The following SVIL variants were observed in gnomAD, a reference collection of about 807,000 sequenced individuals.
SVIL encodes supervillin, also known as archvillin.
In SVIL, 101 loss-of-function variants were observed where a neutral mutation model predicts 240.4. That is an observed-to-expected ratio of 0.42 (90% CI 0.36 to 0.50). The LOEUF (loss-of-function observed/expected upper bound fraction) is 0.50. Ranked by LOEUF, SVIL falls within the 20% of genes least tolerant of loss-of-function variation. The pLI, the probability that SVIL is intolerant of heterozygous loss-of-function variation, is 0.01. For synonymous variants in SVIL, 999 were observed against 1,100.0 expected (o/e 0.91, Z 1.82); for missense variants, 2,512 against 2,818.7 (o/e 0.89, Z 2.46).
At chr10:29,585,484 C>T (rs1956128559) in intron 1 of SVIL, among the ~76,000 whole-genome samples, 1 of 152,240 alleles carries the variant, frequency 6.6e-6, no homozygotes, top group South Asian at 2.1e-4. Context: ...CCACCACGCC[C>T]GCCAAACTAT....
chr10:29,669,474 G>A (rs1959593766), intron 2 of SVIL, among the ~76,000 whole-genome samples: 1 of 152,224 alleles, frequency 6.6e-6, no homozygotes, highest in South Asian at 2.1e-4. Context: ...AGAAGCCCCA[G>A]TTGGATAAAA....
chr10:29,465,325 G>A lies in SVIL; in HGVS notation c.6133+270C>T, dbSNP rs558924981. ...AAAGAGCGGAGACGCCAGGCCTGCC[G>A]CTGTGGTGCTCAACCTGTTCTTAGC... is the stretch of plus-strand genomic sequence containing the variant. On this transcript the variant is annotated intron_variant, in intron 34 of 37. Transcript: ENST00000355867. 3.6e-4 allele frequency among the ~76,000 whole-genome samples: 55 copies of A among 152,290 alleles called. No individual in the cohort carries two copies. In the East Asian group the frequency reaches 5.8e-3, roughly 16 times the overall value.
chr10:29,514,048 A>T (rs1950040483), intron 16 of SVIL, among the ~76,000 whole-genome samples: 1 of 151,870 alleles, frequency 6.6e-6, no homozygotes, highest in Non-Finnish European at 1.5e-5. Flanking sequence ...CAATTTAAAG[A>T]GTAGGGAAAA....
intron 2 of SVIL, among the ~76,000 whole-genome samples, chr10:29,674,195 C>T (rs573093238): frequency 9.2e-5 from 14 of 152,126 alleles, no homozygotes; most frequent in African/African-American, 2.9e-4. Context: ...ATTAGCCAGA[C>T]GTGGTGGTGT....
At chr10:29,683,797 A>G (rs376351740) in intron 2 of SVIL, among the ~76,000 whole-genome samples, 86 of 152,114 alleles carry the variant, frequency 5.7e-4, no homozygotes, top group African/African-American at 2.0e-3. Flanking sequence ...CTCACTCTCC[A>G]TGCACTCTGG....
chr10:29,474,804 T>G (rs1946012729), intron 29 of SVIL, among the ~76,000 whole-genome samples: 1 of 152,154 alleles, frequency 6.6e-6, no homozygotes, highest in Non-Finnish European at 1.5e-5. Flanking sequence ...TGCAGGCTGT[T>G]AAAACTATTC....
chr10:29,551,066 A>G lies in SVIL; in HGVS notation c.358T>C (p.Tyr120His), dbSNP rs1285460794. 2 of 1,613,854 alleles carry G rather than the reference A, an allele frequency of 1.2e-6. No homozygotes were observed. Among genetic ancestry groups the G allele is most frequent in the East Asian group, 4.5e-5 (2 of 44,880 alleles). ...AERRRQLAEK[Y>H]GLTLDPEADS... The stretch of plus-strand genomic sequence containing the variant: ...GCCTCGGGATCCAGAGTCAGCCCAT[A>G]CTTCTCTGCCAGCTGTCGCCTTCTT... Residue 120 changes from tyrosine (Y) to histidine (H), a missense_variant, in exon 6 of 38, where the codon TAT becomes CAT. Tyr to His is a moderately conservative substitution (Grantham distance 83). Around this residue, in one of 3 missense-constraint regions of SVIL, gnomAD observed 1,443 missense variants for 1,486.6 expected, o/e 0.97. Transcript: ENST00000355867.
chr10:29,561,043 G>A (rs1222610925), intron 3 of SVIL, among the ~76,000 whole-genome samples: 20 of 151,134 alleles, frequency 1.3e-4, no homozygotes, highest in Admixed American at 3.3e-4. Flanking sequence ...GGATGGTCTC[G>A]ATCTCCTGAC....
At position 29,713,830 on chromosome 10, in the gene SVIL, A is replaced by G. The variant is rs928673369; in HGVS notation, c.-400+21921T>C. On this transcript the variant is annotated intron_variant, in intron 1 of 35. Coordinates refer to the SVIL transcript ENST00000375400. ...CCAAAAGAGGGAGAGTTTCCAGTTCAAAGAGTTTAGAAAATGCTAGGTTTA... is the reference window on the plus strand; with the variant it reads ...CCAAAAGAGGGAGAGTTTCCAGTTCGAAGAGTTTAGAAAATGCTAGGTTTA... Among the ~76,000 whole-genome samples the G allele has an allele frequency of 2.0e-5, 3 of 152,246 alleles. No individual in the cohort carries two copies. The East Asian group carries it at 5.8e-4, about 29-fold the overall frequency.
At chr10:29,525,246 T>G (rs1296534766) in intron 13 of SVIL, among the ~76,000 whole-genome samples, 1 of 152,208 alleles carries the variant, frequency 6.6e-6, no homozygotes, top group Non-Finnish European at 1.5e-5. Context: ...GCATTTACTC[T>G]CATAGGTTCC....
chr10:29,543,430 A>C (rs1406006658), intron 6 of SVIL, among the ~76,000 whole-genome samples: 1 of 152,202 alleles, frequency 6.6e-6, no homozygotes, highest in Non-Finnish European at 1.5e-5. Flanking sequence ...AGATTGGACT[A>C]ATCACTTTGG....
At chr10:29,584,388 G>T (rs1291970818) in intron 1 of SVIL, among the ~76,000 whole-genome samples, 2 of 152,204 alleles carry the variant, frequency 1.3e-5, no homozygotes, top group Admixed American at 1.3e-4. Context: ...CCTTATCTAT[G>T]AGGAACATCT....
intron 30 of SVIL, among the ~76,000 whole-genome samples, chr10:29,473,187 C>T (rs1356886561): frequency 1.3e-5 from 2 of 152,130 alleles, no homozygotes; most frequent in African/African-American, 2.4e-5. Flanking sequence ...TGCTGGAGCC[C>T]TGGGAAGCCG....
intron 16 of SVIL, among the ~76,000 whole-genome samples, chr10:29,521,332 T>C (rs1237483004): frequency 6.6e-6 from 1 of 150,396 alleles, no homozygotes; most frequent in Non-Finnish European, 1.5e-5. Context: ...AAAATAAGAG[T>C]GGTCAGTGAA....
chr10:29,658,311 C>T (rs576168962), intron 2 of SVIL, among the ~76,000 whole-genome samples: 90 of 152,286 alleles, frequency 5.9e-4, no homozygotes, highest in African/African-American at 2.1e-3. Flanking sequence ...TCCCATTCAT[C>T]GTAAACTCAG....
At chr10:29,537,561 G>A (rs563604384) in intron 6 of SVIL, among the ~76,000 whole-genome samples, 20 of 152,288 alleles carry the variant, frequency 1.3e-4, no homozygotes, top group Non-Finnish European at 2.9e-5. Context: ...AAGAAAAAAA[G>A]GAAATTCTAC....
chr10:29,614,253 T>C (rs1957354440), intron 1 of SVIL, among the ~76,000 whole-genome samples: 2 of 152,164 alleles, frequency 1.3e-5, no homozygotes, highest in South Asian at 4.1e-4. Context: ...AAAAAAAATA[T>C]AATTGCAGCA....
chr10:29,552,330 C>T lies in SVIL; in HGVS notation c.161-1067G>A, dbSNP rs185159971. On this transcript the variant is annotated intron_variant, in intron 5 of 37. Coordinates refer to ENST00000355867, the MANE Select transcript of SVIL (RefSeq NM_021738.3). ...TTGGGAGGCTGAGGCAGGCGGATCA[C>T]GAAGCAGGCAGATCACGAGGTCAGG... Among the ~76,000 whole-genome samples, 782 of 151,938 alleles carry T rather than the reference C, an allele frequency of 5.1e-3. 6 individuals carry two copies. Among genetic ancestry groups the T allele is most frequent in the African/African-American group, 0.011 (473 of 41,436 alleles).
At chr10:29,507,991 A>G (rs1949506075) in intron 17 of SVIL, 1 of 192,962 alleles carries the variant, frequency 5.2e-6, no homozygotes, top group Non-Finnish European at 1.1e-5. Context: ...CTAATGCTAA[A>G]GTAAATCCAC....
Sources: gnomAD v4.1 joint callset for allele counts (sites outside exome capture counted in the v4.1 genomes callset) on GRCh38, gnomAD v4.1.1 for gene constraint, gnomAD v4.1.1 regional missense constraint, MANE v1.5 for transcripts, NCBI Gene and HGNC (gene_info 2026-07-23, HGNC 2026-07-21) for gene names.